C8orf34: variants seen among roughly 807,000 people sequenced by gnomAD.
C8orf34 encodes uncharacterized protein C8orf34.
Under a neutral mutation model 68.3 loss-of-function variants are expected in C8orf34, and 65 were observed. That is an observed-to-expected ratio of 0.95 (90% CI 0.78 to 1.17). The LOEUF is 1.17. Ranked by LOEUF, C8orf34 falls within the 50% of genes most tolerant of loss-of-function variation. C8orf34 has a pLI of 0.00. For missense variants in C8orf34, 664 were observed against 655.4 expected, an observed-to-expected ratio of 1.01 and a Z score of -0.14; for synonymous variants, 244 against 241.2, an observed-to-expected ratio of 1.01 and a Z score of -0.11.
intron 1 of C8orf34, among the ~76,000 whole-genome samples, chr8:68,397,218 G>A (rs913963117): frequency 6.6e-6 from 1 of 152,012 alleles, no homozygotes; most frequent in East Asian, 1.9e-4. Context: ...TGGCCAGGCT[G>A]GTCTCAAACT....
intron 10 of C8orf34, among the ~76,000 whole-genome samples, chr8:68,724,117 G>T (rs1484508274): frequency 6.6e-6 from 1 of 152,028 alleles, no homozygotes; most frequent in Non-Finnish European, 1.5e-5. Context: ...TTTATTATGA[G>T]GAAAGCATGG....
chr8:68,726,777 C>T (rs1438855555), intron 10 of C8orf34, among the ~76,000 whole-genome samples: 1 of 152,140 alleles, frequency 6.6e-6, no homozygotes, highest in Non-Finnish European at 1.5e-5. Context: ...CTGATAAACC[C>T]ATCAGATCTC....
chr8:68,540,401 AT>A (rs1237420219), intron 7 of C8orf34, among the ~76,000 whole-genome samples: 12 of 151,690 alleles, frequency 7.9e-5, no homozygotes, highest in Non-Finnish European at 1.2e-4. Flanking sequence ...AAAATTTCAT[AT>A]ATAGTTTTAA....
intron 7 of C8orf34, among the ~76,000 whole-genome samples, chr8:68,633,100 G>A (rs1818739116): frequency 6.6e-6 from 1 of 152,164 alleles, no homozygotes; most frequent in Non-Finnish European, 1.5e-5. Context: ...TACCTACACA[G>A]CCCACCCAAT....
Position 68,440,822 on chromosome 8 carries a change from T to TC in C8orf34, c.475+1176_475+1177insC, listed in dbSNP as rs1810870117. On this transcript the variant is annotated intron_variant, in intron 2 of 13. Coordinates refer to ENST00000518698, the MANE Select transcript of C8orf34 (RefSeq NM_052958.4). Reference sequence around the variant, plus strand: ...ATTAAACTCTGCATTTTTTTTTTTTTGAGATGGAGTCTTGCTCTGTCACCC... The same window carrying TC: ...ATTAAACTCTGCATTTTTTTTTTTTTCGAGATGGAGTCTTGCTCTGTCACCC... 2.6e-5 allele frequency among the ~76,000 whole-genome samples: 4 copies of TC among 151,584 alleles called. No individual in the cohort carries two copies. The South Asian group carries it at 8.4e-4, about 32-fold the overall frequency.
At chr8:68,741,205 C>T (rs1382761974) in intron 10 of C8orf34, among the ~76,000 whole-genome samples, 2 of 152,142 alleles carry the variant, frequency 1.3e-5, no homozygotes, top group African/African-American at 4.8e-5. Flanking sequence ...CAAACCTGCA[C>T]ATGTACCCCT....
intron 7 of C8orf34, among the ~76,000 whole-genome samples, chr8:68,639,373 C>T (rs189917776): frequency 1.1e-4 from 16 of 152,002 alleles, no homozygotes; most frequent in South Asian, 2.1e-4. Flanking sequence ...TCCAGAAGGC[C>T]GGTTCATGAT....
intron 4 of C8orf34, among the ~76,000 whole-genome samples, chr8:68,478,920 C>T (rs976379989): frequency 6.6e-6 from 1 of 152,076 alleles, no homozygotes; most frequent in Non-Finnish European, 1.5e-5. Flanking sequence ...GGACACAGAG[C>T]CAAACCATAT....
At chr8:68,341,410 TACCACAG>T (rs1806064465) in intron 1 of C8orf34, among the ~76,000 whole-genome samples, 1 of 152,182 alleles carries the variant, frequency 6.6e-6, no homozygotes, top group South Asian at 2.1e-4. Flanking sequence ...ACTTAAAGTA[TACCACAG>T]ATTTAATGAT....
intron 7 of C8orf34, among the ~76,000 whole-genome samples, chr8:68,544,224 A>G (rs972356519): frequency 4.6e-5 from 7 of 152,186 alleles, no homozygotes; most frequent in Non-Finnish European, 1.0e-4. Context: ...GAGAATGCTT[A>G]TTGTGTCTGA....
intron 10 of C8orf34, among the ~76,000 whole-genome samples, chr8:68,729,108 T>C (rs779485351): frequency 6.6e-6 from 1 of 152,238 alleles, no homozygotes; most frequent in East Asian, 1.9e-4. Flanking sequence ...ATACAACTGA[T>C]GTATAATTTC....
At chr8:68,615,836 T>C (rs1490909431) in intron 7 of C8orf34, among the ~76,000 whole-genome samples, 3 of 152,086 alleles carry the variant, frequency 2.0e-5, no homozygotes, top group African/African-American at 7.2e-5. Context: ...CCTCTTTTTC[T>C]ATTGATTGGA....
At chr8:68,556,612 A>T (rs1016365393) in intron 7 of C8orf34, among the ~76,000 whole-genome samples, 1 of 152,174 alleles carries the variant, frequency 6.6e-6, no homozygotes, top group East Asian at 1.9e-4. Context: ...AGTGATAAAG[A>T]GCCGAGGGCA....
At chr8:68,545,115 G>A (rs943989842) in intron 7 of C8orf34, among the ~76,000 whole-genome samples, 1 of 152,104 alleles carries the variant, frequency 6.6e-6, no homozygotes, top group African/African-American at 2.4e-5. Context: ...AACTTGAATT[G>A]TAGCTCCCAT....
In C8orf34 at chr8:68,354,011, T is replaced by G. The variant is rs1447239645; in HGVS notation, c.327+22672T>G. Among the ~76,000 whole-genome samples, 9 of 152,026 alleles carry G rather than the reference T, an allele frequency of 5.9e-5. No homozygotes were observed. The South Asian group carries it at 1.9e-3, about 31-fold the overall frequency. ...TATATCAAAACAAGATGTCTATATG[T>G]GCTTGTATTTGTGTATGTGCTTGTT... On this transcript the variant is annotated intron_variant, in intron 1 of 13. Coordinates refer to ENST00000518698, the MANE Select transcript of C8orf34 (RefSeq NM_052958.4).
chr8:68,676,685 A>T, intron 8 of C8orf34, among the ~76,000 whole-genome samples: 1 of 152,332 alleles, frequency 6.6e-6, no homozygotes, highest in African/African-American at 2.4e-5. Context: ...AATTTTTAAA[A>T]TATTGAAGTA....
intron 7 of C8orf34, among the ~76,000 whole-genome samples, chr8:68,581,785 T>G (rs1817072296): frequency 1.3e-5 from 2 of 152,144 alleles, no homozygotes; most frequent in South Asian, 4.1e-4. Context: ...GCATTTCTGT[T>G]GCAGGGGCAA....
chr8:68,678,861 A>G (rs1166323116), intron 8 of C8orf34, among the ~76,000 whole-genome samples: 1 of 63,170 alleles, frequency 1.6e-5, no homozygotes, highest in Non-Finnish European at 4.4e-5. Context: ...CCACAACTGA[A>G]AAAAAAAAAA....
At chr8:68,447,014 A>C (rs1811153115) in intron 3 of C8orf34, 4 of 152,658 alleles carry the variant, frequency 2.6e-5, no homozygotes. Context: ...TTTATAAAGA[A>C]AAAAGGTTTA....
Sources: allele counts gnomAD v4.1 joint callset (sites outside exome capture counted in the v4.1 genomes callset), GRCh38; gene constraint gnomAD v4.1.1; transcripts MANE v1.5; gene names NCBI Gene and HGNC (gene_info 2026-07-23, HGNC 2026-07-21).